The following FAM135A variants were observed in gnomAD, a reference collection of about 807,000 sequenced individuals.
FAM135A encodes the protein protein FAM135A.
A neutral mutation model predicts 146.8 loss-of-function variants in FAM135A; 79 were observed. The ratio of observed to expected loss-of-function variants is 0.54; its 90% CI spans 0.45 to 0.65. FAM135A has a LOEUF of 0.65. FAM135A is among the 30% of genes least tolerant of loss of function. FAM135A has a pLI of 0.00. For missense variants in FAM135A, 1,623 were observed against 1,758.2 expected (o/e 0.92, Z 1.38); for synonymous variants, 562 against 603.6 (o/e 0.93, Z 1.01).
chr6:70,494,862 G>A (rs781655583), intron 11 of FAM135A, among the ~76,000 whole-genome samples: 1 of 152,102 alleles, frequency 6.6e-6, no homozygotes, highest in Non-Finnish European at 1.5e-5. Context: ...AAAGGCCAGA[G>A]AATTGTTTCT....
At chr6:70,558,204 T>G (rs1801275666) in intron 21 of FAM135A, among the ~76,000 whole-genome samples, 1 of 152,230 alleles carries the variant, frequency 6.6e-6, no homozygotes. Context: ...AGTTTTTTGA[T>G]GAGTATGTAT....
intron 5 of FAM135A, among the ~76,000 whole-genome samples, chr6:70,460,156 A>G (rs775752095): frequency 2.0e-5 from 3 of 152,168 alleles, no homozygotes; most frequent in East Asian, 1.9e-4. Flanking sequence ...GACATTGTCA[A>G]TGGACTTCCT....
At chr6:70,546,559 G>A (rs1468714281) in intron 20 of FAM135A, among the ~76,000 whole-genome samples, 2 of 152,082 alleles carry the variant, frequency 1.3e-5, no homozygotes, top group Non-Finnish European at 2.9e-5. Context: ...AATGAAGAAA[G>A]CTTTTTAAAA....
At chr6:70,435,246 A>G (rs1157011289) in intron 4 of FAM135A, among the ~76,000 whole-genome samples, 2 of 151,686 alleles carry the variant, frequency 1.3e-5, no homozygotes, top group Non-Finnish European at 2.9e-5. Context: ...CTGGGATTAC[A>G]GGTGCCTGCC....
At chr6:70,475,763 A>G in intron 7 of FAM135A, 30 bp downstream of exon 7, 3 of 1,523,586 alleles carry the variant, frequency 2.0e-6, no homozygotes, top group African/African-American at 1.4e-5. Context: ...AAAAACCTTT[A>G]GGCACTTATG....
chr6:70,445,435 G>T (rs1215414934), intron 4 of FAM135A, among the ~76,000 whole-genome samples: 3 of 152,174 alleles, frequency 2.0e-5, no homozygotes, highest in Admixed American at 6.5e-5. Flanking sequence ...TAGAGGTGCG[G>T]AGTGGGAAAT....
chr6:70,445,743 C>T (rs1187429416), intron 4 of FAM135A, among the ~76,000 whole-genome samples: 1 of 152,156 alleles, frequency 6.6e-6, no homozygotes, highest in African/African-American at 2.4e-5. Flanking sequence ...CCGGTAAACC[C>T]ACAACCTTCC....
intron 4 of FAM135A, among the ~76,000 whole-genome samples, chr6:70,443,543 G>T (rs1439342329): frequency 6.6e-6 from 1 of 152,196 alleles, no homozygotes; most frequent in African/African-American, 2.4e-5. Context: ...ATCTAAGGAT[G>T]CCTTTCTCAG....
intron 18 of FAM135A, 29 bp downstream of exon 18, chr6:70,533,883 T>G: frequency 8.5e-7 from 1 of 1,172,358 alleles, no homozygotes; most frequent in Non-Finnish European, 1.2e-6. Flanking sequence ...TGCAATTTAT[T>G]TTTATATTTC....
chr6:70,427,147 T>C (rs1202398697), intron 3 of FAM135A, among the ~76,000 whole-genome samples: 1 of 152,216 alleles, frequency 6.6e-6, no homozygotes, highest in African/African-American at 2.4e-5. Context: ...ATGATTGTTA[T>C]AATTTTTTTT....
chr6:70,556,994 T>G lies in FAM135A; in HGVS notation c.4342+131T>G, dbSNP rs1800975139. 2.2e-5 allele frequency: 15 copies of G among 675,076 alleles called. No homozygotes were observed. In the South Asian group the frequency reaches 2.6e-4, roughly 12 times the overall value. The allele number at this position is 675,076 out of a possible 1,614,324, so 41.8% of individuals were successfully genotyped here. A position where few individuals can be genotyped will look rare whatever the true frequency, so the allele number is the denominator to read the frequency against. On this transcript the variant is annotated intron_variant, in intron 21 of 21. Coordinates refer to ENST00000418814, the MANE Select transcript of FAM135A (RefSeq NM_001162529.3). The stretch of plus-strand genomic sequence containing the variant: ...TTACTTCCTTTCCACCCACTTATAT[T>G]AACAGCTGTCCTTTTTCCATTCTTC...
chr6:70,550,301 C>T (rs1257184517), intron 20 of FAM135A, among the ~76,000 whole-genome samples: 1 of 152,182 alleles, frequency 6.6e-6, no homozygotes, highest in African/African-American at 2.4e-5. Flanking sequence ...TTACTTTGCT[C>T]AGATCCATCA....
At chr6:70,472,127 A>C (rs1781740450) in intron 5 of FAM135A, among the ~76,000 whole-genome samples, 1 of 152,180 alleles carries the variant, frequency 6.6e-6, no homozygotes, top group Non-Finnish European at 1.5e-5. Flanking sequence ...GTAAGCAACA[A>C]AGAAGCTCCA....
chr6:70,536,536 G>T, intron 19 of FAM135A, 125 bp downstream of exon 19: 1 of 770,540 alleles, frequency 1.3e-6, no homozygotes, highest in Non-Finnish European at 1.8e-6. Flanking sequence ...AATAAAAAAT[G>T]TAGCTAATTT....
intron 12 of FAM135A, chr6:70,504,960 C>CA (rs762068297): frequency 2.2e-3 from 251 of 113,950 alleles, no homozygotes; most frequent in Middle Eastern, 0.015. Context: ...AACTCCATCT[C>CA]AAAAAAAAAA....
intron 20 of FAM135A, among the ~76,000 whole-genome samples, chr6:70,539,446 TATTA>T (rs1797432831): frequency 6.6e-6 from 1 of 152,208 alleles, no homozygotes; most frequent in Admixed American, 6.5e-5. Context: ...AGACAAACTT[TATTA>T]ATTCAAAAAC....
intron 4 of FAM135A, among the ~76,000 whole-genome samples, chr6:70,437,421 T>TA (rs1773427496): frequency 6.6e-6 from 1 of 152,064 alleles, no homozygotes; most frequent in Non-Finnish European, 1.5e-5. Context: ...AGTTTACATA[T>TA]AAAAAATTAA....
In FAM135A at chr6:70,525,326, G is replaced by A. The variant is rs1794484283; in HGVS notation, c.2242G>A (p.Val748Ile). ...TTCTACAAAAGAATATCATGTTGTA[G>A]TAAGTGGAGATACAATTAAGTTACC... ...APSTKEYHVVVSGDTIKLPDI... is the reference protein window; with the variant it reads ...APSTKEYHVVISGDTIKLPDI... The change falls in exon 15 of 22, where the codon GTA (valine) becomes ATA (isoleucine). Residue 748 changes from valine (V) to isoleucine (I), a missense_variant. By Grantham distance (29) the Val-to-Ile change is conservative. Coordinates refer to ENST00000418814, the MANE Select transcript of FAM135A (RefSeq NM_001162529.3). The A allele has an allele frequency of 1.2e-6, 2 of 1,612,632 alleles. No individual in the cohort carries two copies. Among genetic ancestry groups the A allele is most frequent in the Non-Finnish European group, 1.7e-6 (2 of 1,179,382 alleles).
At chr6:70,452,993 CAG>C (rs1340729133) in intron 5 of FAM135A, among the ~76,000 whole-genome samples, 3 of 151,692 alleles carry the variant, frequency 2.0e-5, no homozygotes, top group Admixed American at 6.6e-5. Flanking sequence ...ATTTATGAAA[CAG>C]AGCCAAAAGG....
Sources: gnomAD v4.1 joint callset for allele counts (sites outside exome capture counted in the v4.1 genomes callset) on GRCh38, gnomAD v4.1.1 for gene constraint, MANE v1.5 for transcripts, NCBI Gene and HGNC (gene_info 2026-07-23, HGNC 2026-07-21) for gene names.